The following SBF2 variants were observed in gnomAD, a reference collection of about 807,000 sequenced individuals.
The protein encoded by SBF2 is SET binding factor 2.
SBF2 carries 112 observed loss-of-function variants against 225.2 expected under a neutral mutation model. That is an observed-to-expected ratio of 0.50 (90% CI 0.43 to 0.58). The LOEUF (loss-of-function observed/expected upper bound fraction) is 0.58, where lower values mean the gene tolerates loss of function less well. SBF2 is among the 20% of genes least tolerant of loss of function. The probability of loss-of-function intolerance (pLI) is 0.00; values close to 1 mark genes in which losing one functional copy is unlikely to be tolerated. For missense variants in SBF2, 1,996 were observed against 2,206.2 expected (o/e 0.90, Z 1.91); for synonymous variants, 763 against 773.3 (o/e 0.99, Z 0.22).
At chr11:10,075,267 T>C (rs1389470577) in intron 2 of SBF2, among the ~76,000 whole-genome samples, 5 of 152,230 alleles carry the variant, frequency 3.3e-5, no homozygotes, top group African/African-American at 9.6e-5. Context: ...CAAGATTAAG[T>C]GATATCATGC....
intron 16 of SBF2, among the ~76,000 whole-genome samples, chr11:9,933,671 G>A (rs1864670936): frequency 6.6e-6 from 1 of 152,134 alleles, no homozygotes; most frequent in South Asian, 2.1e-4. Context: ...TGTGTAGAGG[G>A]AAATTTACAG....
intron 16 of SBF2, among the ~76,000 whole-genome samples, chr11:9,910,291 C>G (rs574522182): frequency 3.9e-4 from 60 of 152,186 alleles, no homozygotes; most frequent in Non-Finnish European, 8.1e-4. Context: ...ACACATTACT[C>G]AGACATTTGG....
chr11:10,169,947 T>A (rs1956121830), intron 2 of SBF2, among the ~76,000 whole-genome samples: 1 of 152,126 alleles, frequency 6.6e-6, no homozygotes, highest in African/African-American at 2.4e-5. Context: ...CTGAGCACCT[T>A]TTCATATAAC....
intron 2 of SBF2, among the ~76,000 whole-genome samples, chr11:10,189,620 G>C (rs373952993): frequency 3.9e-5 from 6 of 152,232 alleles, no homozygotes; most frequent in African/African-American, 1.4e-4. Context: ...TAGTCAAATT[G>C]CTAGTGTATA....
intron 1 of SBF2, among the ~76,000 whole-genome samples, chr11:10,285,377 C>T (rs566469252): frequency 6.6e-6 from 1 of 150,592 alleles, no homozygotes; most frequent in Non-Finnish European, 1.5e-5. Context: ...GAGGGAGGGA[C>T]AGACTTTCTA....
intron 33 of SBF2, 88 bp downstream of exon 33, chr11:9,795,743 G>A: frequency 6.7e-7 from 1 of 1,481,670 alleles, no homozygotes; most frequent in Non-Finnish European, 9.3e-7. Flanking sequence ...CAGCTTGTCA[G>A]TCTTGGGGAT....
intron 16 of SBF2, among the ~76,000 whole-genome samples, chr11:9,953,331 C>G (rs963903962): frequency 3.3e-5 from 5 of 152,090 alleles, no homozygotes; most frequent in African/African-American, 1.2e-4. Flanking sequence ...GTAATCCCAG[C>G]TACTCGGGAG....
chr11:10,077,563 T>A (rs10458929), intron 2 of SBF2, among the ~76,000 whole-genome samples: 10,063 of 152,174 alleles, frequency 0.066, 654 homozygotes, highest in East Asian at 0.19. Flanking sequence ...ATAAACGGTG[T>A]TGGGAAAACT....
chr11:9,798,578 T>C (rs2133877561), intron 32 of SBF2, among the ~76,000 whole-genome samples: 3 of 152,358 alleles, frequency 2.0e-5, no homozygotes, highest in Middle Eastern at 6.8e-3. Flanking sequence ...TCACTCACTG[T>C]TTCCAAGGGA....
intron 2 of SBF2, among the ~76,000 whole-genome samples, chr11:10,128,717 T>C (rs993268351): frequency 6.6e-6 from 1 of 152,240 alleles, no homozygotes; most frequent in Non-Finnish European, 1.5e-5. Flanking sequence ...AGAAACAGTA[T>C]ACTTTGGCAG....
intron 2 of SBF2, among the ~76,000 whole-genome samples, chr11:10,043,738 C>T (rs1949747200): frequency 6.6e-6 from 1 of 152,034 alleles, no homozygotes; most frequent in Non-Finnish European, 1.5e-5. Context: ...GTATATCTGG[C>T]TAATATTTTT....
intron 25 of SBF2, among the ~76,000 whole-genome samples, chr11:9,839,954 G>A (rs999174226): frequency 2.6e-5 from 4 of 152,272 alleles, no homozygotes; most frequent in African/African-American, 9.6e-5. Flanking sequence ...ACTTCCTTTT[G>A]GGCTGGGTGT....
chr11:10,214,207 GT>G (rs1317955066), intron 1 of SBF2, among the ~76,000 whole-genome samples: 1 of 152,126 alleles, frequency 6.6e-6, no homozygotes, highest in Non-Finnish European at 1.5e-5. Flanking sequence ...CTAGATACCA[GT>G]AGCACCCTGC....
intron 6 of SBF2, among the ~76,000 whole-genome samples, chr11:10,015,020 A>C (rs1590758943): frequency 6.6e-6 from 1 of 152,138 alleles, no homozygotes; most frequent in Non-Finnish European, 1.5e-5. Context: ...AGTTTCAGCT[A>C]CTTGGGTGGA....
chr11:9,998,368 G>A lies in SBF2; in HGVS notation c.873C>T (p.Ile291=), dbSNP rs2134496815. The A allele has an allele frequency of 6.4e-7, 1 of 1,565,336 alleles. No homozygotes were observed. Among genetic ancestry groups the A allele is most frequent in the Non-Finnish European group, 8.8e-7 (1 of 1,137,580 alleles). The change falls in exon 9 of 40, where the codon ATC becomes ATT. Residue 291 remains isoleucine (I), a synonymous_variant. Coordinates refer to ENST00000256190, the MANE Select transcript of SBF2 (RefSeq NM_030962.4). ...KTDVHELLDV[I]IADLDGGTIK... is the part of the protein sequence containing the mutation. ...TAGTGCCTCCATCCAAATCTGCTAT[G>A]ATTACATCTAACTGAAAGAGATAAA... is the stretch of plus-strand genomic sequence containing the variant.
chr11:9,812,690 C>G lies in SBF2; in HGVS notation c.3997G>C (p.Ala1333Pro). ...ACAGGAACAAACTCACAATTTAAAG[C>G]AAATTCTACCTTGAAGTTCTGCGGA... ...SQLRNFKVEF[A>P]LNCEFVPVEF... The change falls in exon 30 of 40, where the codon GCT (alanine) becomes CCT (proline). Residue 1333 changes from alanine to proline, a missense_variant. Physicochemically the swap from Ala to Pro is conservative, Grantham distance 27. Coordinates refer to ENST00000256190, the MANE Select transcript of SBF2 (RefSeq NM_030962.4). 6.2e-7 allele frequency: 1 copy of G among 1,614,162 alleles called. No homozygotes were observed. The highest frequency in any genetic ancestry group is 8.5e-7 in the Non-Finnish European group (1 of 1,180,026).
At chr11:10,072,843 T>G (rs904240028) in intron 2 of SBF2, among the ~76,000 whole-genome samples, 10 of 151,318 alleles carry the variant, frequency 6.6e-5, no homozygotes, top group African/African-American at 2.4e-4. Flanking sequence ...GCAATCATGA[T>G]CCTGTCAAGT....
At chr11:10,008,923 T>G (rs552092444) in intron 6 of SBF2, among the ~76,000 whole-genome samples, 122 of 152,344 alleles carry the variant, frequency 8.0e-4, no homozygotes, top group Non-Finnish European at 1.4e-3. Context: ...ATCCTCCAAA[T>G]CCTGCCAGAT....
chr11:9,928,954 G>T, intron 16 of SBF2: 2 of 462,490 alleles, frequency 4.3e-6, no homozygotes, highest in Non-Finnish European at 4.2e-6. Flanking sequence ...TTCAAAACGG[G>T]TCATAAAGCA....
Sources: gnomAD v4.1 joint callset for allele counts (sites outside exome capture counted in the v4.1 genomes callset) on GRCh38, gnomAD v4.1.1 for gene constraint, MANE v1.5 for transcripts, NCBI Gene and HGNC (gene_info 2026-07-23, HGNC 2026-07-21) for gene names.